KDM6A: variants seen among roughly 807,000 people sequenced by gnomAD.
KDM6A encodes the protein lysine demethylase 6A, also known as lysine-specific demethylase 6A.
A neutral mutation model predicts 117.6 loss-of-function variants in KDM6A; 11 were observed. That is an observed-to-expected ratio of 0.09 (90% CI 0.06 to 0.15). The LOEUF is 0.15. KDM6A is among the 10% of genes least tolerant of loss of function. KDM6A has a pLI of 1.00. For missense variants in KDM6A, 799 were observed against 1,077.3 expected, an observed-to-expected ratio of 0.74 and a Z score of 3.62; for synonymous variants, 384 against 396.1, an observed-to-expected ratio of 0.97 and a Z score of 0.36.
chrX:45,084,999 C>A (rs919060457), intron 24 of KDM6A, among the ~76,000 whole-genome samples: 34 of 111,397 alleles, frequency 3.1e-4, no homozygotes, highest in African/African-American at 1.1e-3. Flanking sequence ...TAATATACAG[C>A]CAGGATTAGA....
intron 2 of KDM6A, among the ~76,000 whole-genome samples, chrX:44,920,333 G>A (rs1024825198): frequency 7.2e-5 from 8 of 111,775 alleles, no homozygotes; most frequent in African/African-American, 2.3e-4. Context: ...TAAAAAAATG[G>A]CCCTCTTTAT....
chrX:45,013,659 C>T (rs1293573895), intron 5 of KDM6A, among the ~76,000 whole-genome samples: 2 of 111,668 alleles, frequency 1.8e-5, no homozygotes, highest in African/African-American at 6.5e-5. Flanking sequence ...TTCTGGTTAC[C>T]ATCATTTTCT....
chrX:45,104,595 C>A (rs891922920), intron 27 of KDM6A, among the ~76,000 whole-genome samples: 1 of 111,632 alleles, frequency 9.0e-6, no homozygotes, highest in Non-Finnish European at 1.9e-5. Context: ...GAATCACATT[C>A]TTTCTTTTTT....
At chrX:45,066,830 T>C (rs951981111) in intron 17 of KDM6A, among the ~76,000 whole-genome samples, 9 of 112,278 alleles carry the variant, frequency 8.0e-5, no homozygotes, top group Non-Finnish European at 1.5e-4. Flanking sequence ...ACGAGGCTTC[T>C]GTAATTTACC....
intron 2 of KDM6A, among the ~76,000 whole-genome samples, chrX:44,912,332 G>A (rs1176453324): frequency 1.8e-5 from 2 of 110,701 alleles, no homozygotes; most frequent in Non-Finnish European, 3.8e-5. Context: ...CAGGTGATCT[G>A]CCCACCTCGG....
In KDM6A at chrX:44,986,207, A is replaced by G. The variant is rs1184804218; in HGVS notation, c.384+11492A>G. On this transcript the variant is annotated intron_variant, in intron 4 of 29. Coordinates refer to ENST00000611820, the MANE Select transcript of KDM6A (RefSeq NM_001291415.2). ...CTAGTTTATTTGTGTAGAGGTGTTT[A>G]TAGTATTCTCTGATGGTAGTTTGTA... Among the ~76,000 whole-genome samples the G allele has an allele frequency of 1.6e-4, 18 of 111,772 alleles. 1 individual carries two copies. Among genetic ancestry groups the G allele is most frequent in the Admixed American group, 5.7e-4 (6 of 10,534 alleles).
chrX:45,006,092 G>A (rs2041463781), intron 4 of KDM6A, among the ~76,000 whole-genome samples: 1 of 98,211 alleles, frequency 1.0e-5, no homozygotes, highest in Admixed American at 1.1e-4. Flanking sequence ...TCCTTGGTCT[G>A]TGTACAGTCA....
At chrX:45,047,952 G>A (rs1444469449) in intron 8 of KDM6A, among the ~76,000 whole-genome samples, 1 of 108,826 alleles carries the variant, frequency 9.2e-6, no homozygotes, top group African/African-American at 3.3e-5. Flanking sequence ...CTAAGGTCAG[G>A]AGTTCAAGAC....
intron 2 of KDM6A, among the ~76,000 whole-genome samples, chrX:44,903,672 A>G (rs918939980): frequency 3.6e-5 from 4 of 110,029 alleles, no homozygotes; most frequent in African/African-American, 1.3e-4. Flanking sequence ...ACCTCTCTTC[A>G]AGTTCCTGGA....
At chrX:45,092,675 C>G (rs909024447) in intron 27 of KDM6A, among the ~76,000 whole-genome samples, 2 of 111,294 alleles carry the variant, frequency 1.8e-5, no homozygotes, top group Non-Finnish European at 3.8e-5. Context: ...AAGACAGAAA[C>G]CCCCAGTATA....
intron 4 of KDM6A, among the ~76,000 whole-genome samples, chrX:45,003,970 C>T (rs1452091758): frequency 2.9e-5 from 3 of 102,589 alleles, no homozygotes; most frequent in Admixed American, 1.1e-4. Context: ...CTCTGCCAGA[C>T]GCTTATGCTG....
intron 6 of KDM6A, among the ~76,000 whole-genome samples, chrX:45,026,936 CT>C (rs1014318433): frequency 1.8e-5 from 2 of 109,921 alleles, no homozygotes; most frequent in African/African-American, 3.3e-5. Flanking sequence ...CCTTATGTTT[CT>C]AGAATATTTG....
chrX:44,948,781 G>A (rs761352746), intron 2 of KDM6A, among the ~76,000 whole-genome samples: 266 of 112,228 alleles, frequency 2.4e-3, no homozygotes, highest in Non-Finnish European at 4.3e-3. Flanking sequence ...TGAGAACTGT[G>A]CACAATGTAT....
rs10605935 is a variant in KDM6A, at chrX:45,076,679, CTT to C, written c.2859-6_2859-5del. The C allele has an allele frequency of 0.22, 152,794 of 685,890 alleles. 3,708 individuals are homozygous for C. The highest frequency in any genetic ancestry group is 0.43 in the East Asian group (9,972 of 23,084). The allele number at this position is 685,890 out of a possible 1,213,427, so 56.5% of individuals were successfully genotyped here. A position where few individuals can be genotyped will look rare whatever the true frequency, so the allele number is the denominator to read the frequency against. On this transcript the variant is annotated splice_polypyrimidine_tract_variant and intron_variant, in intron 18 of 29. Coordinates refer to ENST00000611820, the MANE Select transcript of KDM6A (RefSeq NM_001291415.2). ...CAAATAAATGTACAACTGATTATCCCTTTTTTTTTTTTTCCAGGAATCTAGGT... is the reference window on the plus strand; with the variant it reads ...CAAATAAATGTACAACTGATTATCCCTTTTTTTTTTTCCAGGAATCTAGGT...
intron 4 of KDM6A, among the ~76,000 whole-genome samples, chrX:45,008,236 T>C (rs972112290): frequency 3.6e-5 from 4 of 110,621 alleles, no homozygotes; most frequent in Non-Finnish European, 7.6e-5. Context: ...TAGCTGGGCG[T>C]GGTGGCGGGC....
At chrX:44,933,962 TTAAA>T (rs1486217958) in intron 2 of KDM6A, among the ~76,000 whole-genome samples, 1 of 112,733 alleles carries the variant, frequency 8.9e-6, no homozygotes, top group Non-Finnish European at 1.9e-5. Flanking sequence ...ACAGCTTTAG[TTAAA>T]TAAACAATGT....
At chrX:44,917,754 G>C (rs918745928) in intron 2 of KDM6A, among the ~76,000 whole-genome samples, 3 of 112,160 alleles carry the variant, frequency 2.7e-5, no homozygotes, top group Admixed American at 9.5e-5. Context: ...ACAGTTACCA[G>C]ATGGTGGAGC....
intron 25 of KDM6A, 106 bp from the exon 26 acceptor site, chrX:45,089,636 TA>T: frequency 1.8e-6 from 1 of 568,918 alleles, no homozygotes; most frequent in Non-Finnish European, 3.0e-6. Flanking sequence ...TATGTTTCAA[TA>T]AAATGAACAA....
At chrX:45,110,306 T>A in intron 29 of KDM6A, 57 bp downstream of exon 29, 2 of 1,027,588 alleles carry the variant, frequency 1.9e-6, no homozygotes, top group Middle Eastern at 5.1e-4. Flanking sequence ...CAGCAGTGTT[T>A]GCTCTGCCAC....
Sources: allele counts gnomAD v4.1 joint callset (sites outside exome capture counted in the v4.1 genomes callset), GRCh38; gene constraint gnomAD v4.1.1; transcripts MANE v1.5; gene names NCBI Gene and HGNC (gene_info 2026-07-23, HGNC 2026-07-21).